MEF2C: variants seen among roughly 807,000 people sequenced by gnomAD.
MEF2C encodes the protein myocyte-specific enhancer factor 2C.
In MEF2C, 6 loss-of-function variants were observed where a neutral mutation model predicts 50.5. That is an observed-to-expected ratio of 0.12 (90% CI 0.07 to 0.23). The LOEUF (loss-of-function observed/expected upper bound fraction) is 0.23. Among genes scored for constraint, MEF2C ranks in the 10% least tolerant of loss-of-function variants. The pLI is 1.00. For missense variants in MEF2C, 276 were observed against 605.0 expected, an observed-to-expected ratio of 0.46 and a Z score of 5.70; for synonymous variants, 183 against 228.0, an observed-to-expected ratio of 0.80 and a Z score of 1.78.
At position 88,720,897 on chromosome 5, in the gene MEF2C, C is replaced by A. The variant is rs2152018993; in HGVS notation, c.*1707G>T. The stretch of plus-strand genomic sequence containing the variant: ...AAATAGATGACATACATGCTTTATG[C>A]AGAAGTGACATTTGGGGGTCCTGAC... On this transcript the variant is annotated 3_prime_UTR_variant, in exon 11 of 11. Transcript: ENST00000504921. 6.6e-6 allele frequency: 1 copy of A among 152,508 alleles called. No homozygotes were observed. The highest frequency in any genetic ancestry group is 2.1e-4 in the South Asian group (1 of 4,818). 9.4% of individuals were successfully genotyped at this position (152,508 alleles called of 1,614,324 possible).
chr5:88,723,242 C>G (rs977096884), intron 10 of MEF2C, among the ~76,000 whole-genome samples: 8 of 152,188 alleles, frequency 5.3e-5, no homozygotes, highest in African/African-American at 1.9e-4. Context: ...AAAGCATTTT[C>G]TGTGTTCATG....
intron 1 of MEF2C, among the ~76,000 whole-genome samples, chr5:88,876,240 T>C (rs562929853): frequency 1.0e-3 from 157 of 152,006 alleles, no homozygotes; most frequent in African/African-American, 3.5e-3. Flanking sequence ...TTTAAAAATA[T>C]AGGACCACTA....
chr5:88,850,318 A>T (rs1221577877), intron 1 of MEF2C, among the ~76,000 whole-genome samples: 1 of 152,168 alleles, frequency 6.6e-6, no homozygotes, highest in Non-Finnish European at 1.5e-5. Flanking sequence ...ATCTCCAGAA[A>T]TATGCTTTGT....
intron 6 of MEF2C, chr5:88,733,714 T>C (rs1762647151): frequency 1.0e-6 from 1 of 985,150 alleles, no homozygotes; most frequent in Admixed American, 6.1e-5. Context: ...GCTGAATATA[T>C]AACAAATAAC....
rs1404765706 is a variant in MEF2C, at chr5:88,717,886, G to A, written c.*4718C>T. ...TTGGAAACACTTTCTACAGATTTTAGTTAAAAAATAACTTATGGTACTGCT... is the reference window on the plus strand; with the variant it reads ...TTGGAAACACTTTCTACAGATTTTAATTAAAAAATAACTTATGGTACTGCT... On this transcript the variant is annotated 3_prime_UTR_variant, in exon 11 of 11. Transcript: ENST00000504921. 1.3e-5 allele frequency: 2 copies of A among 152,258 alleles called. No individual in the cohort carries two copies. The highest frequency in any genetic ancestry group is 2.1e-4 in the South Asian group (1 of 4,828). The allele number at this position is 152,258 out of a possible 1,614,324, so 9.4% of individuals were successfully genotyped here. A position where few individuals can be genotyped will look rare whatever the true frequency, so the allele number is the denominator to read the frequency against.
chr5:88,855,989 A>C (rs1823184374), intron 1 of MEF2C, among the ~76,000 whole-genome samples: 1 of 152,194 alleles, frequency 6.6e-6, no homozygotes. Flanking sequence ...AGGGCTCTGA[A>C]GAAGACAGAT....
At chr5:88,794,363 T>G (rs951092270) in intron 3 of MEF2C, among the ~76,000 whole-genome samples, 2 of 152,234 alleles carry the variant, frequency 1.3e-5, no homozygotes, top group African/African-American at 4.8e-5. Context: ...GTTATCTCAT[T>G]GTGCTTTTGA....
chr5:88,734,714 T>C (rs1190118288), intron 6 of MEF2C: 2 of 983,692 alleles, frequency 2.0e-6, no homozygotes, highest in East Asian at 1.1e-4. Context: ...ATATACATTG[T>C]AGCTTTTCAT....
chr5:88,824,867 TA>T (rs1177460356), intron 1 of MEF2C: 1 of 151,920 alleles, frequency 6.6e-6, no homozygotes, highest in African/African-American at 2.4e-5. Context: ...CCCAGAATAT[TA>T]AAAGTACATA....
intron 3 of MEF2C, among the ~76,000 whole-genome samples, chr5:88,788,288 C>G (rs1297827682): frequency 2.6e-5 from 4 of 152,240 alleles, no homozygotes; most frequent in African/African-American, 9.6e-5. Context: ...GCAACCTCCG[C>G]CTCCCGGGCT....
At chr5:88,793,560 T>C (rs1794742036) in intron 3 of MEF2C, among the ~76,000 whole-genome samples, 1 of 152,164 alleles carries the variant, frequency 6.6e-6, no homozygotes. Context: ...AATCTGCAAA[T>C]GATTAGGTAA....
chr5:88,883,358 G>A, upstream of MEF2C: 1 of 153,316 alleles, frequency 6.5e-6, no homozygotes, highest in Non-Finnish European at 1.5e-5. Flanking sequence ...GGAGGAGGAG[G>A]AGAAAGTGGC....
chr5:88,850,389 A>C (rs1820891711), intron 1 of MEF2C, among the ~76,000 whole-genome samples: 1 of 152,186 alleles, frequency 6.6e-6, no homozygotes, highest in African/African-American at 2.4e-5. Flanking sequence ...GCCCATGGTA[A>C]GAGGTAGATC....
At chr5:88,762,038 C>T (rs1030807694) in intron 3 of MEF2C, 2 of 152,128 alleles carry the variant, frequency 1.3e-5, no homozygotes, top group Admixed American at 6.5e-5. Context: ...GTAAGGAAGA[C>T]GAAGAACACT....
intron 1 of MEF2C, among the ~76,000 whole-genome samples, chr5:88,837,746 A>T (rs1375227274): frequency 2.6e-5 from 4 of 152,242 alleles, no homozygotes; most frequent in Non-Finnish European, 4.4e-5. Context: ...GTTTTCTTCC[A>T]TATTTTAAAA....
chr5:88,754,922 C>T (rs1580147867), intron 4 of MEF2C, among the ~76,000 whole-genome samples: 1 of 152,170 alleles, frequency 6.6e-6, no homozygotes, highest in Non-Finnish European at 1.5e-5. Context: ...GCCTCCCTGC[C>T]TCATTTCCAT....
intron 4 of MEF2C, chr5:88,760,856 T>C (rs941652627): frequency 6.1e-6 from 6 of 987,788 alleles, no homozygotes; most frequent in African/African-American, 4.9e-5. Flanking sequence ...CTAAATGAGC[T>C]GCCCGTGGGA....
intron 3 of MEF2C, among the ~76,000 whole-genome samples, chr5:88,794,898 G>A (rs1478325379): frequency 6.6e-6 from 1 of 152,156 alleles, no homozygotes; most frequent in African/African-American, 2.4e-5. Flanking sequence ...ATTAAATAGA[G>A]AATCGTTTCT....
At chr5:88,876,488 T>C (rs1831097750) in intron 1 of MEF2C, among the ~76,000 whole-genome samples, 1 of 152,074 alleles carries the variant, frequency 6.6e-6, no homozygotes, top group Admixed American at 6.6e-5. Context: ...GCCTTAGTTG[T>C]ACCACCTTAT....
Sources: gnomAD v4.1 joint callset for allele counts (sites outside exome capture counted in the v4.1 genomes callset) on GRCh38, gnomAD v4.1.1 for gene constraint, MANE v1.5 for transcripts, NCBI Gene and HGNC (gene_info 2026-07-23, HGNC 2026-07-21) for gene names.